PTGFRN: variants seen among roughly 807,000 people sequenced by gnomAD.
PTGFRN encodes the protein prostaglandin F2 receptor inhibitor, also known as prostaglandin F2 receptor negative regulator.
PTGFRN carries 35 observed loss-of-function variants against 83.2 expected under a neutral mutation model. That is an observed-to-expected ratio of 0.42 (90% CI 0.32 to 0.56). The LOEUF is 0.56. PTGFRN is among the 20% of genes least tolerant of loss of function. The pLI is 0.11. For synonymous variants in PTGFRN, 519 were observed against 498.6 expected, an observed-to-expected ratio of 1.04 and a Z score of -0.55; for missense variants, 1,051 against 1,179.5, an observed-to-expected ratio of 0.89 and a Z score of 1.60.
chr1:116,914,960 G>A (rs369493614), intron 1 of PTGFRN, among the ~76,000 whole-genome samples: 91 of 152,212 alleles, frequency 6.0e-4, no homozygotes, highest in African/African-American at 2.1e-3. Context: ...GTACATTCTG[G>A]TATTTATTCC....
In PTGFRN at chr1:116,910,131, A is replaced by G; in HGVS notation, c.-73A>G. On this transcript the variant is annotated 5_prime_UTR_variant, in exon 1 of 9. Transcript: ENST00000393203. ...GGAGCGCCGACTCTGGAGCAGCCGGAGCTGGAAGAGGAGGAGGAGGAGAGG... is the reference window on the plus strand; with the variant it reads ...GGAGCGCCGACTCTGGAGCAGCCGGGGCTGGAAGAGGAGGAGGAGGAGAGG... 2.0e-6 allele frequency: 3 copies of G among 1,466,318 alleles called. No homozygotes were observed. Among genetic ancestry groups the G allele is most frequent in the Non-Finnish European group, 2.7e-6 (3 of 1,091,938 alleles). The allele number at this position is 1,466,318 out of a possible 1,614,324, so 90.8% of individuals were successfully genotyped here. A position where few individuals can be genotyped will look rare whatever the true frequency, so the allele number is the denominator to read the frequency against.
chr1:116,967,387 G>T, intron 6 of PTGFRN, 57 bp downstream of exon 6: 1 of 1,509,572 alleles, frequency 6.6e-7, no homozygotes, highest in South Asian at 1.3e-5. Context: ...CTAGGGTTTT[G>T]ATCAGATGCC....
chr1:116,957,151 CTG>C (rs57827917), intron 4 of PTGFRN, among the ~76,000 whole-genome samples: 3,666 of 146,052 alleles, frequency 0.025, 120 homozygotes, highest in African/African-American at 0.084. Context: ...CGCTGGCTCG[CTG>C]TGTGTGTGTG....
chr1:116,989,409 T>C lies in PTGFRN; in HGVS notation c.*2442T>C, dbSNP rs553905587. 86 of 152,588 alleles carry C rather than the reference T, an allele frequency of 5.6e-4. No homozygotes were observed. Among genetic ancestry groups the C allele is most frequent in the African/African-American group, 2.0e-3 (84 of 41,558 alleles). The allele number at this position is 152,588 out of a possible 1,614,324, so 9.5% of individuals were successfully genotyped here. Reference sequence around the variant, plus strand: ...ATAAATTTCCAGGAATGTGTATTTTTAATGTGGTGAGATGCACTCTTTTGT... The same window carrying C: ...ATAAATTTCCAGGAATGTGTATTTTCAATGTGGTGAGATGCACTCTTTTGT... On this transcript the variant is annotated 3_prime_UTR_variant, in exon 9 of 9. Transcript: ENST00000393203.
At chr1:116,985,324 T>G (rs891846585) in intron 8 of PTGFRN, among the ~76,000 whole-genome samples, 5 of 152,198 alleles carry the variant, frequency 3.3e-5, no homozygotes, top group Admixed American at 1.3e-4. Context: ...GAGAGCAGCC[T>G]TGAGAGAGAG....
At position 116,949,463 on chromosome 1, in the gene PTGFRN, T is replaced by G; in HGVS notation, c.1104T>G (p.Ser368=). Residue 368 remains serine (S), a synonymous_variant, in exon 4 of 9, where the codon TCT becomes TCG. Coordinates refer to ENST00000393203, the MANE Select transcript of PTGFRN (RefSeq NM_020440.4). ...TTCGGGATGTTAGCAAAGAAAACTC[T>G]GGCTACTATTACTGCCACGTGTCCC... ...LLVRDVSKEN[S]GYYYCHVSLW... The G allele has an allele frequency of 6.2e-7, 1 of 1,614,268 alleles. No individual in the cohort carries two copies. Among genetic ancestry groups the G allele is most frequent in the Non-Finnish European group, 8.5e-7 (1 of 1,180,046 alleles).
At chr1:116,938,145 CTGCTGG>C (rs1490043989) in intron 1 of PTGFRN, among the ~76,000 whole-genome samples, 1 of 152,194 alleles carries the variant, frequency 6.6e-6, no homozygotes, top group Non-Finnish European at 1.5e-5. Context: ...GAATTAGTCA[CTGCTGG>C]GTAGTGATAT....
At chr1:116,920,688 A>G (rs997681164) in intron 1 of PTGFRN, among the ~76,000 whole-genome samples, 23 of 152,248 alleles carry the variant, frequency 1.5e-4, no homozygotes, top group Admixed American at 1.2e-3. Context: ...CAGTGGGGCA[A>G]TCTTGGCTCA....
rs779293715 is a variant in PTGFRN at position 116,949,270 on chromosome 1, A to T, written c.911A>T (p.Asp304Val). The T allele has an allele frequency of 6.2e-7, 1 of 1,614,184 alleles. No individual in the cohort carries two copies. Among genetic ancestry groups the T allele is most frequent in the Non-Finnish European group, 8.5e-7 (1 of 1,180,022 alleles). The change falls in exon 4 of 9, where the codon GAC becomes GTC. Residue 304 changes from aspartate (D) to valine (V), a missense_variant. Asp to Val is a radical substitution (Grantham distance 152, BLOSUM62 -3). Coordinates refer to ENST00000393203, the MANE Select transcript of PTGFRN (RefSeq NM_020440.4). ...GACCTGACCTGTAACATCACAACAG[A>T]CCGAGCCGATGACGTCCGGCCCGAG... ...ELDLTCNITT[D>V]RADDVRPEVT...
rs1337008770 is a variant in PTGFRN, at chr1:116,984,982, G to A, written c.2470G>A (p.Asp824Asn). The A allele has an allele frequency of 2.5e-6, 4 of 1,612,502 alleles. No homozygotes were observed. The highest frequency in any genetic ancestry group is 1.6e-4 in the Middle Eastern group (1 of 6,072). ...SKPVFITVKM[D>N]VLNAFKYPLL... is the part of the protein sequence containing the mutation. ...GCCCGTTTTTATAACTGTGAAGATG[G>A]ATGGTAAGAATGTCACCCAAATTTC... is the stretch of plus-strand genomic sequence containing the variant. Residue 824 changes from aspartate to asparagine, a missense_variant, in exon 8 of 9, where the codon GAT becomes AAT. Coordinates refer to ENST00000393203, the MANE Select transcript of PTGFRN (RefSeq NM_020440.4).
At chr1:116,934,593 T>G (rs539349190) in intron 1 of PTGFRN, among the ~76,000 whole-genome samples, 1 of 152,238 alleles carries the variant, frequency 6.6e-6, no homozygotes, top group Non-Finnish European at 1.5e-5. Context: ...CTGTTTTCTA[T>G]TTCTTTAGTA....
chr1:116,954,669 T>G (rs1443364145), intron 4 of PTGFRN, among the ~76,000 whole-genome samples: 1 of 152,248 alleles, frequency 6.6e-6, no homozygotes, highest in African/African-American at 2.4e-5. Context: ...AACCTTGGTG[T>G]GTAAGGAGGT....
At position 116,984,790 on chromosome 1, in the gene PTGFRN, A is replaced by G; in HGVS notation, c.2278A>G (p.Arg760Gly). The change falls in exon 8 of 9, where the codon AGG becomes GGG. Residue 760 changes from arginine (R) to glycine (G), a missense_variant. Coordinates refer to ENST00000393203, the MANE Select transcript of PTGFRN (RefSeq NM_020440.4). ...DRKGIVTTSRRDWKSDLSLER... is the reference protein window; with the variant it reads ...DRKGIVTTSRGDWKSDLSLER... ...GAAGGGCATCGTGACCACCTCCCGG[A>G]GGGACTGGAAGAGCGACCTCAGCCT... The G allele has an allele frequency of 6.2e-7, 1 of 1,613,850 alleles. No individual in the cohort carries two copies. Among genetic ancestry groups the G allele is most frequent in the Non-Finnish European group, 8.5e-7 (1 of 1,179,976 alleles).
At position 116,955,840 on chromosome 1, in the gene PTGFRN, G is replaced by A. The variant is rs550941911; in HGVS notation, c.1214-5403G>A. 3.9e-5 allele frequency among the ~76,000 whole-genome samples: 6 copies of A among 152,256 alleles called. No individual in the cohort carries two copies. In the South Asian group the frequency reaches 1.0e-3, roughly 26 times the overall value. ...TGGAAAGCCCATAAGACATACATAC[G>A]AATAACCAAAGTTCAAGGCAGGATT... On this transcript the variant is annotated intron_variant, in intron 4 of 8. Coordinates refer to ENST00000393203, the MANE Select transcript of PTGFRN (RefSeq NM_020440.4).
Position 116,949,168 on chromosome 1 carries a change from A to G in PTGFRN, c.833-24A>G, listed in dbSNP as rs773304247. 1.3e-5 allele frequency: 20 copies of G among 1,552,110 alleles called. No homozygotes were observed. The South Asian group carries it at 2.3e-4, about 17-fold the overall frequency. On this transcript the variant is annotated intron_variant, in intron 3 of 8. Transcript: ENST00000393203. The stretch of plus-strand genomic sequence containing the variant: ...GGGCAAACATAATCAGATTACCTAG[A>G]TGTATTTGTTTTTAATTTTCAAGTT...
At chr1:116,971,640 C>T (rs1650995949) in intron 6 of PTGFRN, among the ~76,000 whole-genome samples, 1 of 152,144 alleles carries the variant, frequency 6.6e-6, no homozygotes, top group Non-Finnish European at 1.5e-5. Flanking sequence ...GGAGGAAATC[C>T]ACTCCTGTGA....
rs1222995294 is a variant in PTGFRN at position 116,909,984 on chromosome 1, C to A, written c.-220C>A. ...GGCGGGGCCGGCTCCCGGGCCCGGC[C>A]GGCTGGAGGAGGGAGGGAAGGAGGC... On this transcript the variant is annotated 5_prime_UTR_variant, in exon 1 of 9. Coordinates refer to ENST00000393203, the MANE Select transcript of PTGFRN (RefSeq NM_020440.4). 1.7e-6 allele frequency: 1 copy of A among 591,060 alleles called. No homozygotes were observed. Among genetic ancestry groups the A allele is most frequent in the South Asian group, 1.9e-5 (1 of 51,394 alleles). The allele number at this position is 591,060 out of a possible 1,614,324, so 36.6% of individuals were successfully genotyped here. A position where few individuals can be genotyped will look rare whatever the true frequency, so the allele number is the denominator to read the frequency against.
intron 7 of PTGFRN, among the ~76,000 whole-genome samples, chr1:116,984,111 G>A (rs1651395371): frequency 6.6e-6 from 1 of 152,102 alleles, no homozygotes; most frequent in Non-Finnish European, 1.5e-5. Flanking sequence ...TTGAACTTAA[G>A]CACTTCTGCA....
Position 116,949,394 on chromosome 1 carries a change from T to C in PTGFRN, c.1035T>C (p.His345=). The C allele has an allele frequency of 1.2e-6, 2 of 1,614,272 alleles. No individual in the cohort carries two copies. The highest frequency in any genetic ancestry group is 8.5e-7 in the Non-Finnish European group (1 of 1,180,042). Residue 345 remains histidine, a synonymous_variant, in exon 4 of 9, where the codon CAT becomes CAC. Transcript: ENST00000393203. ...ATTCCCTGGTGCACAGCTCGCCTCA[T>C]GTTGCTTTGAGTCATGTGGATGCAC... ...DRDSLVHSSP[H]VALSHVDARS...
Sources: gnomAD v4.1 joint callset for allele counts (sites outside exome capture counted in the v4.1 genomes callset) on GRCh38, gnomAD v4.1.1 for gene constraint, MANE v1.5 for transcripts, NCBI Gene and HGNC (gene_info 2026-07-23, HGNC 2026-07-21) for gene names.